MED12L: variants seen among roughly 807,000 people sequenced by gnomAD.
MED12L encodes mediator of RNA polymerase II transcription subunit 12-like protein.
A neutral mutation model predicts 281.3 loss-of-function variants in MED12L; 60 were observed. The observed-to-expected ratio is 0.21, with a 90% CI of 0.17 to 0.26. The LOEUF is 0.26. Among genes scored for constraint, MED12L ranks in the 10% least tolerant of loss-of-function variants. MED12L has a pLI of 1.00. For synonymous variants in MED12L, 974 were observed against 987.2 expected, an observed-to-expected ratio of 0.99 and a Z score of 0.25; for missense variants, 2,146 against 2,680.9, an observed-to-expected ratio of 0.80 and a Z score of 4.41.
intron 16 of MED12L, among the ~76,000 whole-genome samples, chr3:151,275,770 A>T (rs1218968009): frequency 6.6e-6 from 1 of 152,230 alleles, no homozygotes; most frequent in East Asian, 1.9e-4. Flanking sequence ...TAGGAAGCTG[A>T]GAATTTAAAA....
At chr3:151,222,498 GT>G (rs1729565633) in intron 16 of MED12L, among the ~76,000 whole-genome samples, 1 of 152,102 alleles carries the variant, frequency 6.6e-6, no homozygotes, top group African/African-American at 2.4e-5. Context: ...TTTCTGTGCT[GT>G]TCTTGTGATA....
chr3:151,156,226 A>T lies in MED12L; in HGVS notation c.622A>T (p.Met208Leu). Residue 208 changes from methionine (M) to leucine (L), a missense_variant, in exon 6 of 45, where the codon ATG becomes TTG. This residue lies in a region of MED12L where 722 missense variants were observed against 861.2 expected (regional missense o/e 0.84). Transcript: ENST00000687756. ...GGCCAAGATTTCTGACTTTTACCAC[A>T]TGGCCTCCAGCACGGGCGATGGCCC... ...QLAKISDFYH[M>L]ASSTGDGPVP... 1 of 1,613,596 alleles carries T rather than the reference A, an allele frequency of 6.2e-7. No individual in the cohort carries two copies. The highest frequency in any genetic ancestry group is 8.5e-7 in the Non-Finnish European group (1 of 1,179,774).
intron 2 of MED12L, among the ~76,000 whole-genome samples, chr3:151,106,194 A>G (rs1271800392): frequency 6.9e-6 from 1 of 144,068 alleles, no homozygotes; most frequent in East Asian, 2.9e-4. Flanking sequence ...AAGTCGGATA[A>G]TGTCACCTTC....
At chr3:151,399,922 G>A (rs1174226031) in intron 39 of MED12L, among the ~76,000 whole-genome samples, 8 of 151,992 alleles carry the variant, frequency 5.3e-5, no homozygotes, top group African/African-American at 1.9e-4. Context: ...TGCTTCCCGG[G>A]TTCAAGCGAT....
intron 16 of MED12L, among the ~76,000 whole-genome samples, chr3:151,216,981 C>T (rs985491830): frequency 6.6e-6 from 1 of 152,136 alleles, no homozygotes; most frequent in Non-Finnish European, 1.5e-5. Context: ...GCCACACAAC[C>T]CCCCAGCGCC....
chr3:151,247,962 C>CTTTTTTTTTTTTTTTTTTTTTTT (rs61102632), intron 16 of MED12L, among the ~76,000 whole-genome samples: 20 of 75,900 alleles, frequency 2.6e-4, no homozygotes, highest in Non-Finnish European at 3.7e-4. Flanking sequence ...TCTTCTTCTT[C>CTTTTTTTTTTTTTTTTTTTTTTT]TTTTTTTTTT....
At chr3:151,222,070 G>A (rs9881116) in intron 16 of MED12L, among the ~76,000 whole-genome samples, 15,878 of 152,270 alleles carry the variant, frequency 0.1, 1,113 homozygotes, top group Middle Eastern at 0.17. Flanking sequence ...GGAAGTTTAC[G>A]ATTTGACTGT....
At chr3:151,382,858 A>G in intron 33 of MED12L, 113 bp downstream of exon 33, 1 of 733,128 alleles carries the variant, frequency 1.4e-6, no homozygotes, top group Admixed American at 2.9e-5. Flanking sequence ...GAGGCCTTCC[A>G]CTCTTTGCTC....
At chr3:151,306,882 A>G (rs114134805) in intron 16 of MED12L, among the ~76,000 whole-genome samples, 193 of 152,324 alleles carry the variant, frequency 1.3e-3, no homozygotes, top group African/African-American at 4.4e-3. Context: ...TTCTCAAATG[A>G]CAGAGTTATA....
chr3:151,116,809 T>A (rs945013942), intron 3 of MED12L, among the ~76,000 whole-genome samples: 3 of 152,214 alleles, frequency 2.0e-5, no homozygotes, highest in Non-Finnish European at 4.4e-5. Flanking sequence ...TAGATATTTT[T>A]GGTAAGAAGA....
rs1294939217 is a variant in MED12L at position 151,280,870 on chromosome 3, A to G, written c.2251-69189A>G. On this transcript the variant is annotated intron_variant, in intron 16 of 44. Transcript: ENST00000687756. The stretch of plus-strand genomic sequence containing the variant: ...GAAGTAACTATTCCTTTTTTTCACA[A>G]GTAAGAAAATAGAGCCTCAGAAAAT... Among the ~76,000 whole-genome samples, 3 of 151,758 alleles carry G rather than the reference A, an allele frequency of 2.0e-5. No homozygotes were observed. The East Asian group carries it at 5.8e-4, about 29-fold the overall frequency.
At chr3:151,290,545 A>G (rs1232567495) in intron 16 of MED12L, among the ~76,000 whole-genome samples, 4 of 152,076 alleles carry the variant, frequency 2.6e-5, no homozygotes, top group African/African-American at 7.2e-5. Flanking sequence ...ACTATAAATT[A>G]TACATTTTTA....
chr3:151,123,559 C>T (rs1424883067), intron 4 of MED12L, among the ~76,000 whole-genome samples: 1 of 152,164 alleles, frequency 6.6e-6, no homozygotes, highest in Non-Finnish European at 1.5e-5. Context: ...GGAAATAATA[C>T]ATAGATTCAA....
chr3:151,362,992 A>G (rs1215996783), intron 21 of MED12L, among the ~76,000 whole-genome samples: 1 of 152,066 alleles, frequency 6.6e-6, no homozygotes. Context: ...CGTTTTTTTA[A>G]TAGTGAACTT....
At chr3:151,353,402 A>T (rs1753488508) in intron 17 of MED12L, among the ~76,000 whole-genome samples, 2 of 152,250 alleles carry the variant, frequency 1.3e-5, no homozygotes, top group Admixed American at 1.3e-4. Flanking sequence ...TTGAGAATAG[A>T]CATTGAAAAA....
At chr3:151,407,336 CAA>C (rs1716441418) in intron 39 of MED12L, among the ~76,000 whole-genome samples, 1 of 152,062 alleles carries the variant, frequency 6.6e-6, no homozygotes, top group African/African-American at 2.4e-5. Flanking sequence ...CCCACAAAGC[CAA>C]AAGAGGGCAC....
chr3:151,205,614 A>G (rs117034205), intron 16 of MED12L, among the ~76,000 whole-genome samples: 1 of 152,192 alleles, frequency 6.6e-6, no homozygotes. Flanking sequence ...AGCCGGGCAC[A>G]GGTCTGAGGA....
chr3:151,242,779 G>T lies in MED12L; in HGVS notation c.2250+49113G>T, dbSNP rs1486649806. ...AAGCTGGATGGAGAATGACTTTGAC[G>T]AGCTGAGAGAAGAAGGCTTCAGACG... On this transcript the variant is annotated intron_variant, in intron 16 of 44. Coordinates refer to ENST00000687756, the MANE Select transcript of MED12L (RefSeq NM_001393769.1). 3.9e-5 allele frequency among the ~76,000 whole-genome samples: 6 copies of T among 152,082 alleles called. No individual in the cohort carries two copies. The South Asian group carries it at 8.3e-4, about 21-fold the overall frequency.
chr3:151,109,489 T>C (rs1711539540), intron 2 of MED12L, among the ~76,000 whole-genome samples: 1 of 152,262 alleles, frequency 6.6e-6, no homozygotes, highest in Non-Finnish European at 1.5e-5. Flanking sequence ...AAGCTTGTTA[T>C]TTTAGTCGAA....
Sources: gnomAD v4.1 joint callset for allele counts (sites outside exome capture counted in the v4.1 genomes callset) on GRCh38, gnomAD v4.1.1 for gene constraint, gnomAD v4.1.1 regional missense constraint, MANE v1.5 for transcripts, NCBI Gene and HGNC (gene_info 2026-07-23, HGNC 2026-07-21) for gene names.